Variants in COL24A1 observed in about 807,000 individuals in gnomAD.
COL24A1 encodes the protein collagen alpha-1(XXIV) chain.
COL24A1 carries 224 observed loss-of-function variants against 253.9 expected under a neutral mutation model. That is an observed-to-expected ratio of 0.88 (90% CI 0.79 to 0.99). COL24A1 has a LOEUF of 0.99. Ranked by LOEUF, COL24A1 falls within the 50% of genes least tolerant of loss-of-function variation. The pLI is 0.00. For synonymous variants in COL24A1, 685 were observed against 673.7 expected (o/e 1.02, Z -0.26); for missense variants, 2,131 against 2,068.5 (o/e 1.03, Z -0.59).
intron 5 of COL24A1, among the ~76,000 whole-genome samples, chr1:86,099,732 C>G (rs1266031368): frequency 6.6e-6 from 1 of 152,108 alleles, no homozygotes; most frequent in Non-Finnish European, 1.5e-5. Flanking sequence ...TCCATGCCAT[C>G]ATCACAAATG....
intron 37 of COL24A1, among the ~76,000 whole-genome samples, chr1:85,852,027 C>T (rs1677823288): frequency 6.6e-6 from 1 of 152,138 alleles, no homozygotes. Context: ...TAAATGTTCT[C>T]CCAAGAGTTT....
chr1:85,982,020 A>C (rs952998789), intron 20 of COL24A1, among the ~76,000 whole-genome samples: 1 of 152,154 alleles, frequency 6.6e-6, no homozygotes, highest in Non-Finnish European at 1.5e-5. Flanking sequence ...AACAACCCAA[A>C]TGTTCATTGA....
intron 22 of COL24A1, among the ~76,000 whole-genome samples, chr1:85,966,105 G>A (rs72712801): frequency 0.12 from 17,589 of 152,164 alleles, 1,138 homozygotes; most frequent in South Asian, 0.23. Flanking sequence ...GTGAATCAGG[G>A]TGGTAGCAGA....
rs1312054495 is a variant in COL24A1, at chr1:85,874,675, C to T, written c.3112G>A (p.Gly1038Arg). The change falls in exon 35 of 60, where the codon GGA (glycine) becomes AGA (arginine). Residue 1038 changes from glycine (G) to arginine (R), a missense_variant. By Grantham distance (125) the Gly-to-Arg change is moderately radical. Coordinates refer to ENST00000370571, the MANE Select transcript of COL24A1 (RefSeq NM_152890.7). ...CGTAAACCTGGTTCCCCAGTTCCTC[C>T]AACACTGCCAGCAGTTCCAACATCT... ...KGDVGTAGSV[G>R]GTGEPGLRGE... 2.5e-6 allele frequency: 4 copies of T among 1,612,352 alleles called. No individual in the cohort carries two copies. The highest frequency in any genetic ancestry group is 3.3e-5 in the Admixed American group (2 of 59,938).
intron 57 of COL24A1, among the ~76,000 whole-genome samples, chr1:85,743,252 G>T (rs149774434): frequency 8.6e-4 from 130 of 152,026 alleles, no homozygotes; most frequent in East Asian, 3.5e-3. Flanking sequence ...TCCCCTATAT[G>T]CACTCTCTTC....
chr1:86,040,115 C>A (rs1195683909), intron 12 of COL24A1, among the ~76,000 whole-genome samples: 1 of 152,028 alleles, frequency 6.6e-6, no homozygotes, highest in Non-Finnish European at 1.5e-5. Context: ...ACGTTGTGTC[C>A]TTTTTCTTGT....
chr1:85,883,581 C>G (rs1434687636), intron 32 of COL24A1: 2 of 152,182 alleles, frequency 1.3e-5, no homozygotes, highest in Non-Finnish European at 2.9e-5. Context: ...GTTTAGCATA[C>G]AAACTATACT....
intron 7 of COL24A1, among the ~76,000 whole-genome samples, chr1:86,076,435 G>A (rs1702250551): frequency 6.6e-6 from 1 of 152,124 alleles, no homozygotes; most frequent in African/African-American, 2.4e-5. Context: ...TGGATTGGAA[G>A]AATCAATATC....
chr1:85,734,824 A>T lies in COL24A1; in HGVS notation c.4923T>A (p.Gly1641=). 6.2e-7 allele frequency: 1 copy of T among 1,614,134 alleles called. No individual in the cohort carries two copies. The highest frequency in any genetic ancestry group is 1.6e-4 in the Middle Eastern group (1 of 6,062). ...TQTSGPGLPI[G]FKGWNGQIFK... ...AAATCTGGCCATTCCATCCCTTGAA[A>T]CCAATAGGCAATCCTGGGCCACTTG... Residue 1641 remains glycine (G), a synonymous_variant, in exon 59 of 60, where the codon GGT becomes GGA. Transcript: ENST00000370571.
intron 19 of COL24A1, 83 bp from the exon 20 acceptor site, chr1:85,987,737 C>T (rs1395492770): frequency 1.7e-6 from 2 of 1,176,910 alleles, no homozygotes; most frequent in Non-Finnish European, 2.4e-6. Flanking sequence ...TTTGCTATTC[C>T]TCCATATCCA....
intron 52 of COL24A1, among the ~76,000 whole-genome samples, chr1:85,776,068 T>A (rs959956591): frequency 1.8e-4 from 28 of 152,306 alleles, no homozygotes; most frequent in Non-Finnish European, 2.4e-4. Context: ...TAATTGTTTT[T>A]CTTAACTTTT....
chr1:85,912,460 C>T (rs533512847), intron 24 of COL24A1, among the ~76,000 whole-genome samples: 74 of 152,210 alleles, frequency 4.9e-4, no homozygotes, highest in African/African-American at 1.7e-3. Context: ...TCAATAGCTA[C>T]CATGCAAAGA....
chr1:85,785,858 C>T (rs568075498), intron 48 of COL24A1, among the ~76,000 whole-genome samples: 2 of 152,278 alleles, frequency 1.3e-5, no homozygotes, highest in East Asian at 3.9e-4. Context: ...GAGGTTTTGT[C>T]TGGAAAGTCT....
chr1:86,011,275 C>T (rs937374040), intron 19 of COL24A1, among the ~76,000 whole-genome samples: 9 of 152,142 alleles, frequency 5.9e-5, no homozygotes, highest in Middle Eastern at 3.4e-3. Flanking sequence ...AAAGTGGTAA[C>T]GGTGGTGGCT....
At position 85,970,341 on chromosome 1, in the gene COL24A1, T is replaced by C. The variant is rs545997770; in HGVS notation, c.2419-70A>G. On this transcript the variant is annotated intron_variant, in intron 21 of 59. Transcript: ENST00000370571. ...TATTTAAAAATGTAAACTCTTATTTTCTCTATTTATTCTAAAATGTGAAGC... is the reference window on the plus strand; with the variant it reads ...TATTTAAAAATGTAAACTCTTATTTCCTCTATTTATTCTAAAATGTGAAGC... 14 of 1,344,710 alleles carry C rather than the reference T, an allele frequency of 1.0e-5. No individual in the cohort carries two copies. In the East Asian group the frequency reaches 3.1e-4, roughly 29 times the overall value. 83.3% of individuals were successfully genotyped at this position (1,344,710 alleles called of 1,614,324 possible).
chr1:86,093,148 C>T (rs912585110), intron 5 of COL24A1, among the ~76,000 whole-genome samples: 2 of 151,894 alleles, frequency 1.3e-5, no homozygotes, highest in African/African-American at 2.4e-5. Flanking sequence ...TTTACATATT[C>T]AGAGATGCTT....
chr1:85,835,673 T>C (rs1675917924), intron 43 of COL24A1, among the ~76,000 whole-genome samples: 1 of 152,138 alleles, frequency 6.6e-6, no homozygotes, highest in African/African-American at 2.4e-5. Context: ...CATGTATAAT[T>C]CTATTTATAT....
intron 1 of COL24A1, among the ~76,000 whole-genome samples, chr1:86,151,120 T>C (rs901725033): frequency 5.3e-5 from 8 of 152,048 alleles, no homozygotes; most frequent in Non-Finnish European, 8.8e-5. Context: ...TACACATACA[T>C]ATATATAAAG....
intron 20 of COL24A1, among the ~76,000 whole-genome samples, chr1:85,975,150 G>C (rs557654497): frequency 9.9e-5 from 15 of 152,160 alleles, no homozygotes; most frequent in African/African-American, 3.6e-4. Context: ...CAGAGAAAGG[G>C]TGATTTATTG....
Sources: allele counts gnomAD v4.1 joint callset (sites outside exome capture counted in the v4.1 genomes callset), GRCh38; gene constraint gnomAD v4.1.1; transcripts MANE v1.5; gene names NCBI Gene and HGNC (gene_info 2026-07-23, HGNC 2026-07-21).